Variants in CFAP299 observed in about 807,000 individuals in gnomAD.
CFAP299 encodes the protein cilia and flagella associated protein 299, also known as cilia- and flagella-associated protein 299.
In CFAP299, 21 loss-of-function variants were observed where a neutral mutation model predicts 27.0. The observed-to-expected ratio is 0.78, with a 90% CI of 0.55 to 1.12. CFAP299 has a LOEUF of 1.12. CFAP299 is among the 50% of genes most tolerant of loss of function. CFAP299 has a pLI of 0.00. For missense variants in CFAP299, 310 were observed against 276.6 expected (o/e 1.12, Z -0.86); for synonymous variants, 104 against 98.1 (o/e 1.06, Z -0.36).
Position 80,701,621 on chromosome 4 carries a change from G to T in CFAP299, c.333+118438G>T, listed in dbSNP as rs1721486634. On this transcript the variant is annotated intron_variant, in intron 3 of 5. Coordinates refer to ENST00000358105, the MANE Select transcript of CFAP299 (RefSeq NM_152770.3). ...TGTCTCTATTATTTTTCCCACAAAA[G>T]TTTGAGTGTGGTTAATGGTGTAATT... Among the ~76,000 whole-genome samples, 3 of 151,932 alleles carry T rather than the reference G, an allele frequency of 2.0e-5. 1 individual carries two copies. The highest frequency in any genetic ancestry group is 4.1e-4 in the South Asian group (2 of 4,828).
At chr4:80,647,986 G>A (rs140742810) in intron 3 of CFAP299, among the ~76,000 whole-genome samples, 179 of 152,272 alleles carry the variant, frequency 1.2e-3, no homozygotes, top group African/African-American at 4.2e-3. Context: ...GAACCCAGGA[G>A]GTGGAGGTTG....
chr4:80,671,259 T>C (rs1741466714), intron 3 of CFAP299, among the ~76,000 whole-genome samples: 1 of 152,208 alleles, frequency 6.6e-6, no homozygotes, highest in South Asian at 2.1e-4. Context: ...CCTTTCCCCA[T>C]TTTTTGTTTT....
intron 3 of CFAP299, among the ~76,000 whole-genome samples, chr4:80,769,070 T>C (rs1035917584): frequency 2.0e-5 from 3 of 152,184 alleles, no homozygotes; most frequent in African/African-American, 7.2e-5. Flanking sequence ...TTAGGTTAAA[T>C]GTACTTAGGT....
At chr4:80,542,129 C>T (rs1734023679) in intron 2 of CFAP299, among the ~76,000 whole-genome samples, 1 of 152,256 alleles carries the variant, frequency 6.6e-6, no homozygotes, top group East Asian at 1.9e-4. Context: ...GGTTCTTCAG[C>T]CTTTGGACTC....
At chr4:80,629,301 G>C (rs945047965) in intron 3 of CFAP299, among the ~76,000 whole-genome samples, 1 of 152,100 alleles carries the variant, frequency 6.6e-6, no homozygotes, top group Non-Finnish European at 1.5e-5. Context: ...GTTACCAGGG[G>C]CTGGGGTATT....
intron 2 of CFAP299, among the ~76,000 whole-genome samples, chr4:80,396,998 T>C (rs1461534145): frequency 6.6e-6 from 1 of 152,150 alleles, no homozygotes; most frequent in African/African-American, 2.4e-5. Flanking sequence ...TGGCTGTGAA[T>C]CCATCTGGTC....
At chr4:80,916,280 TATATATATATATATA>T (rs1354868056) in intron 4 of CFAP299, among the ~76,000 whole-genome samples, 1 of 117,344 alleles carries the variant, frequency 8.5e-6, no homozygotes, top group African/African-American at 4.1e-5. Flanking sequence ...TATATATATA[TATATATATATATATA>T]TTTCAGGTAC....
chr4:80,789,127 G>T (rs1727409306), intron 3 of CFAP299, among the ~76,000 whole-genome samples: 1 of 149,102 alleles, frequency 6.7e-6, no homozygotes, highest in Non-Finnish European at 1.5e-5. Context: ...TTTTGGTTAT[G>T]AAAAGTCTTC....
chr4:80,961,934 C>T (rs1011376549), intron 5 of CFAP299, among the ~76,000 whole-genome samples: 2 of 151,936 alleles, frequency 1.3e-5, no homozygotes, highest in Non-Finnish European at 2.9e-5. Flanking sequence ...TCACTGCTGT[C>T]ACCAGTAGGA....
At chr4:80,864,659 C>A (rs542004819) in intron 3 of CFAP299, among the ~76,000 whole-genome samples, 22 of 151,174 alleles carry the variant, frequency 1.5e-4, no homozygotes, top group Non-Finnish European at 3.0e-4. Context: ...GTATGGCAAC[C>A]CTAACATAAC....
At chr4:80,590,037 G>T (rs1348708146) in intron 3 of CFAP299, among the ~76,000 whole-genome samples, 1 of 152,066 alleles carries the variant, frequency 6.6e-6, no homozygotes. Context: ...AGCATAACCT[G>T]AATGTTCATA....
intron 3 of CFAP299, among the ~76,000 whole-genome samples, chr4:80,736,430 T>C (rs1009596464): frequency 6.6e-6 from 1 of 151,804 alleles, no homozygotes; most frequent in Admixed American, 6.6e-5. Flanking sequence ...AAAGGGCTAA[T>C]ATCCACATTC....
intron 3 of CFAP299, among the ~76,000 whole-genome samples, chr4:80,721,421 G>A (rs1269088845): frequency 7.9e-5 from 12 of 152,114 alleles, no homozygotes; most frequent in Non-Finnish European, 2.9e-5. Context: ...TTCTCTCTTT[G>A]GCTTGTATCC....
chr4:80,784,461 T>G (rs188171738), intron 3 of CFAP299, among the ~76,000 whole-genome samples: 54 of 152,268 alleles, frequency 3.5e-4, no homozygotes, highest in African/African-American at 1.3e-3. Context: ...TGAATGCCTT[T>G]TCACGTACTT....
At chr4:80,553,233 G>A (rs936431813) in intron 2 of CFAP299, among the ~76,000 whole-genome samples, 2 of 152,116 alleles carry the variant, frequency 1.3e-5, no homozygotes, top group African/African-American at 4.8e-5. Context: ...TAATAAATGA[G>A]AACATGCAGT....
At chr4:80,847,075 C>T (rs1264424945) in intron 3 of CFAP299, among the ~76,000 whole-genome samples, 1 of 152,158 alleles carries the variant, frequency 6.6e-6, no homozygotes, top group African/African-American at 2.4e-5. Flanking sequence ...TAGTTTCCTG[C>T]CTGCCACCCA....
chr4:80,670,783 T>C (rs1300677132), intron 3 of CFAP299, among the ~76,000 whole-genome samples: 1 of 152,256 alleles, frequency 6.6e-6, no homozygotes, highest in Non-Finnish European at 1.5e-5. Context: ...TGCATAAATG[T>C]CTTCTTTTGA....
intron 3 of CFAP299, among the ~76,000 whole-genome samples, chr4:80,631,848 T>G (rs1304959912): frequency 1.1e-5 from 1 of 91,338 alleles, no homozygotes; most frequent in East Asian, 4.0e-4. Context: ...GCTATCAGTC[T>G]GAATATTTGT....
intron 2 of CFAP299, chr4:80,386,435 G>A (rs1262580804): frequency 1.9e-6 from 3 of 1,543,994 alleles, no homozygotes; most frequent in East Asian, 2.3e-5. Flanking sequence ...GCCCCAGCGG[G>A]TCAGGCAAGG....
Sources: gnomAD v4.1 joint callset for allele counts (sites outside exome capture counted in the v4.1 genomes callset) on GRCh38, gnomAD v4.1.1 for gene constraint, MANE v1.5 for transcripts, NCBI Gene and HGNC (gene_info 2026-07-23, HGNC 2026-07-21) for gene names.